COBLL1: variants seen among roughly 807,000 people sequenced by gnomAD.
COBLL1 encodes cordon-bleu WH2 repeat protein like 1, also known as cordon-bleu protein-like 1.
COBLL1 carries 50 observed loss-of-function variants against 94.8 expected under a neutral mutation model. The ratio of observed to expected loss-of-function variants is 0.53; its 90% CI spans 0.42 to 0.67. The LOEUF is 0.67. Among genes scored for constraint, COBLL1 ranks in the 30% least tolerant of loss-of-function variants. The pLI, the probability that COBLL1 is intolerant of heterozygous loss-of-function variation, is 0.00. For synonymous variants in COBLL1, 448 were observed against 473.8 expected, an observed-to-expected ratio of 0.95 and a Z score of 0.71; for missense variants, 1,362 against 1,348.7, an observed-to-expected ratio of 1.01 and a Z score of -0.15.
intron 2 of COBLL1, among the ~76,000 whole-genome samples, chr2:164,777,551 T>C (rs1198313888): frequency 6.6e-6 from 1 of 152,162 alleles, no homozygotes; most frequent in Non-Finnish European, 1.5e-5. Context: ...GCTATATACC[T>C]GAATGTAGAT....
chr2:164,824,386 A>T (rs1488208593), intron 2 of COBLL1, among the ~76,000 whole-genome samples: 1 of 151,056 alleles, frequency 6.6e-6, no homozygotes, highest in Non-Finnish European at 1.5e-5. Context: ...GTCCCAAAAA[A>T]GAAAAAAAAA....
chr2:164,739,406 T>C (rs1686482238), intron 3 of COBLL1, among the ~76,000 whole-genome samples: 1 of 152,146 alleles, frequency 6.6e-6, no homozygotes, highest in Non-Finnish European at 1.5e-5. Context: ...ATGAGATCTA[T>C]GGGGGGACTT....
chr2:164,720,185 A>T (rs897693229), intron 7 of COBLL1, among the ~76,000 whole-genome samples: 3 of 152,138 alleles, frequency 2.0e-5, no homozygotes. Context: ...CCTACTGAAC[A>T]ATACATCAAA....
chr2:164,842,045 T>A (rs890469809), upstream of COBLL1: 1 of 1,531,530 alleles, frequency 6.5e-7, no homozygotes, highest in African/African-American at 1.4e-5. Flanking sequence ...TCGGCGGCAT[T>A]GGAGCGAGGG....
chr2:164,821,124 T>C (rs1415430412), intron 2 of COBLL1, among the ~76,000 whole-genome samples: 2 of 152,108 alleles, frequency 1.3e-5, no homozygotes, highest in Admixed American at 1.3e-4. Flanking sequence ...CCTCACCTCA[T>C]GATCCACTCG....
intron 2 of COBLL1, among the ~76,000 whole-genome samples, chr2:164,752,095 G>A (rs1687155273): frequency 1.3e-5 from 2 of 152,174 alleles, no homozygotes; most frequent in South Asian, 4.1e-4. Flanking sequence ...CTAGTGTCAT[G>A]TCCCAACAGT....
Position 164,700,703 on chromosome 2 carries a change from T to C in COBLL1, c.1279A>G (p.Ser427Gly), listed in dbSNP as rs771206500. The C allele has an allele frequency of 1.2e-6, 2 of 1,613,458 alleles. No homozygotes were observed. Among genetic ancestry groups the C allele is most frequent in the Admixed American group, 1.7e-5 (1 of 60,022 alleles). Residue 427 changes from serine to glycine, a missense_variant, in exon 10 of 14, where the codon AGT becomes GGT. Physicochemically the swap from Ser to Gly is moderately conservative, Grantham distance 56. Coordinates refer to ENST00000652658, the MANE Select transcript of COBLL1 (RefSeq NM_001365672.2). The stretch of plus-strand genomic sequence containing the variant: ...TCAGCTTCAACTTTAGGCACTTCAC[T>C]CAGTTCTTCCTTTTCATCTATCTCT... ...LEEIDEKEEL[S>G]EVPKVEAENI...
At chr2:164,826,977 G>GTC (rs1685465685) in intron 2 of COBLL1, among the ~76,000 whole-genome samples, 1 of 151,544 alleles carries the variant, frequency 6.6e-6, no homozygotes, top group Non-Finnish European at 1.5e-5. Flanking sequence ...TTGAGACAGG[G>GTC]TCTCGCTCTA....
intron 5 of COBLL1, among the ~76,000 whole-genome samples, chr2:164,725,355 C>G (rs1194591955): frequency 6.6e-6 from 1 of 151,968 alleles, no homozygotes; most frequent in Admixed American, 6.6e-5. Flanking sequence ...TAAATTTACT[C>G]AGAACAGTAG....
chr2:164,785,941 C>T (rs1688935866), intron 2 of COBLL1, among the ~76,000 whole-genome samples: 1 of 148,738 alleles, frequency 6.7e-6, no homozygotes, highest in Non-Finnish European at 1.5e-5. Context: ...TTTTTAAGTA[C>T]CAAGCAGGTA....
intron 2 of COBLL1, among the ~76,000 whole-genome samples, chr2:164,779,199 TCTTTTCTTAGATTCTA>T (rs1574572547): frequency 1.3e-5 from 2 of 152,248 alleles, no homozygotes; most frequent in East Asian, 3.9e-4. Context: ...GAAAATTTGG[TCTTTTCTTAGATTCTA>T]GGTGGAAAAG....
chr2:164,813,100 A>T (rs1232843960), intron 2 of COBLL1, among the ~76,000 whole-genome samples: 1 of 152,108 alleles, frequency 6.6e-6, no homozygotes, highest in Non-Finnish European at 1.5e-5. Flanking sequence ...AGAAAGTGGC[A>T]CACACTTCTA....
chr2:164,736,636 A>G (rs953885509), intron 3 of COBLL1, among the ~76,000 whole-genome samples: 1 of 152,194 alleles, frequency 6.6e-6, no homozygotes, highest in African/African-American at 2.4e-5. Context: ...GAACACACCT[A>G]CTAAACACAC....
At position 164,841,532 on chromosome 2, in the gene COBLL1, G is replaced by C. The variant is rs905437471; in HGVS notation, c.-51+178C>G. On this transcript the variant is annotated intron_variant, in intron 1 of 13. Transcript: ENST00000652658. The surrounding 1 kb of genome is among the most constrained non-coding windows in gnomAD (Gnocchi z 5.5). The stretch of plus-strand genomic sequence containing the variant: ...TTTGGCGCCTCTCGGAGGGAGAGGA[G>C]CCGCCGGGGCTGGAAAAGGAGGAGG... 5 of 914,546 alleles carry C rather than the reference G, an allele frequency of 5.5e-6. No homozygotes were observed. Among genetic ancestry groups the C allele is most frequent in the Middle Eastern group, 4.4e-4 (1 of 2,292 alleles). 56.7% of individuals were successfully genotyped at this position (914,546 alleles called of 1,614,324 possible).
intron 2 of COBLL1, among the ~76,000 whole-genome samples, chr2:164,772,559 G>T (rs181496079): frequency 6.6e-6 from 1 of 152,024 alleles, no homozygotes. Flanking sequence ...CTTATTCTAA[G>T]AAGACTTCTT....
chr2:164,798,997 G>T (rs776821295), intron 2 of COBLL1, among the ~76,000 whole-genome samples: 2 of 115,066 alleles, frequency 1.7e-5, no homozygotes, highest in African/African-American at 3.6e-5. Flanking sequence ...CCCAGCCTGG[G>T]TGACAGAGCA....
intron 2 of COBLL1, among the ~76,000 whole-genome samples, chr2:164,782,342 T>C (rs1688756234): frequency 6.6e-6 from 1 of 152,130 alleles, no homozygotes; most frequent in Admixed American, 6.6e-5. Context: ...AACTGTTAAT[T>C]ATGTTTTTTA....
intron 2 of COBLL1, among the ~76,000 whole-genome samples, chr2:164,662,661 C>CCATTATCCCTTTGGTGCTGGGTTAG (rs1574383377): frequency 1.3e-5 from 2 of 152,098 alleles, no homozygotes; most frequent in African/African-American, 2.4e-5. Context: ...TAACGGTTTA[C>CCATTATCCCTTTGGTGCTGGGTTAG]CATTATCCCT....
rs1367163536 is a variant in COBLL1 at position 164,695,124 on chromosome 2, T to G, written c.2268A>C (p.Lys756Asn). The G allele has an allele frequency of 6.2e-7, 1 of 1,614,016 alleles. No individual in the cohort carries two copies. The highest frequency in any genetic ancestry group is 8.5e-7 in the Non-Finnish European group (1 of 1,179,956). ...KDWQSETIEYKDDQDMHALGK... is the reference protein window; with the variant it reads ...KDWQSETIEYNDDQDMHALGK... ...CTAAAGCATGCATGTCCTGATCATC[T>G]TTATACTCTATGGTTTCTGATTGCC... Residue 756 changes from lysine (K) to asparagine (N), a missense_variant, in exon 12 of 14, where the codon AAA becomes AAC. By Grantham distance (94) the Lys-to-Asn change is moderately conservative. Coordinates refer to ENST00000652658, the MANE Select transcript of COBLL1 (RefSeq NM_001365672.2).
Sources: gnomAD v4.1 joint callset for allele counts (sites outside exome capture counted in the v4.1 genomes callset) on GRCh38, gnomAD v4.1.1 for gene constraint, Gnocchi (gnomAD v3.1) non-coding constraint, MANE v1.5 for transcripts, NCBI Gene and HGNC (gene_info 2026-07-23, HGNC 2026-07-21) for gene names.